Variants in PKHD1L1 observed in about 807,000 individuals in gnomAD.
The protein encoded by PKHD1L1 is PKHD1 like 1.
In PKHD1L1, 434 loss-of-function variants were observed where a neutral mutation model predicts 462.9. That is an observed-to-expected ratio of 0.94 (90% CI 0.87 to 1.02). The LOEUF is 1.02. PKHD1L1 is among the 50% of genes least tolerant of loss of function. The probability of loss-of-function intolerance (pLI) is 0.00; values close to 1 mark genes in which losing one functional copy is unlikely to be tolerated. For missense variants in PKHD1L1, 5,202 were observed against 5,096.1 expected (o/e 1.02, Z -0.63); for synonymous variants, 1,781 against 1,750.0 (o/e 1.02, Z -0.44).
In PKHD1L1 at chr8:109,394,555, C is replaced by T. The variant is rs1355914066; in HGVS notation, c.811+70C>T. ...CAGTGTATAATTGATTTAATCAAACCAAAGACAATGAGTGTAAGGTGTATT... is the reference window on the plus strand; with the variant it reads ...CAGTGTATAATTGATTTAATCAAACTAAAGACAATGAGTGTAAGGTGTATT... On this transcript the variant is annotated intron_variant, in intron 10 of 77. Coordinates refer to ENST00000378402, the MANE Select transcript of PKHD1L1 (RefSeq NM_177531.6). 3 of 1,032,656 alleles carry T rather than the reference C, an allele frequency of 2.9e-6. No individual in the cohort carries two copies. The East Asian group carries it at 8.1e-5, about 28-fold the overall frequency. The allele number at this position is 1,032,656 out of a possible 1,614,324, so 64.0% of individuals were successfully genotyped here. A position where few individuals can be genotyped will look rare whatever the true frequency, so the allele number is the denominator to read the frequency against.
intron 55 of PKHD1L1, chr8:109,480,521 A>T (rs1330663392): frequency 6.9e-6 from 3 of 435,614 alleles, no homozygotes; most frequent in South Asian, 3.4e-5. Context: ...ATTTAAAAAA[A>T]AAACCAAAGG....
In PKHD1L1 at chr8:109,404,651, G is replaced by A. The variant is rs1280429495; in HGVS notation, c.1471G>A (p.Gly491Arg). Residue 491 changes from glycine to arginine, a missense_variant, in exon 15 of 78, where the codon GGA becomes AGA. Physicochemically the swap from Gly to Arg is moderately radical, Grantham distance 125. Around this residue, in one of 3 missense-constraint regions of PKHD1L1, gnomAD observed 4,497 missense variants for 4,336.8 expected, o/e 1.04. Coordinates refer to ENST00000378402, the MANE Select transcript of PKHD1L1 (RefSeq NM_177531.6). Reference sequence around the variant, plus strand: ...AAATGTTTATACTGAACAACAAACAGGAGATGCAGTGAATGAAGAACAAGT... The same window carrying A: ...AAATGTTTATACTGAACAACAAACAAGAGATGCAGTGAATGAAGAACAAGT... Reference protein sequence around the residue: ...YRNVYTEQQTGDAVNEEQVIK... With the variant: ...YRNVYTEQQTRDAVNEEQVIK... 5.0e-6 allele frequency: 8 copies of A among 1,608,834 alleles called. No individual in the cohort carries two copies. Among genetic ancestry groups the A allele is most frequent in the Non-Finnish European group, 6.8e-6 (8 of 1,177,294 alleles).
chr8:109,444,724 A>G lies in PKHD1L1; in HGVS notation c.4855A>G (p.Ile1619Val). The change falls in exon 38 of 78, where the codon ATT becomes GTT. Residue 1619 changes from isoleucine (I) to valine (V), a missense_variant. Coordinates refer to ENST00000378402, the MANE Select transcript of PKHD1L1 (RefSeq NM_177531.6). ...TAGTGAGGATTCAATTACATGTCAT[A>G]TTGACCCTCAAAACTCAATGGATGT... The part of the protein sequence containing the change: ...ESSEDSITCH[I>V]DPQNSMDVGI... 6.2e-7 allele frequency: 1 copy of G among 1,613,888 alleles called. No homozygotes were observed. Among genetic ancestry groups the G allele is most frequent in the East Asian group, 2.2e-5 (1 of 44,890 alleles).
chr8:109,431,791 A>G (rs1815116509), intron 27 of PKHD1L1, among the ~76,000 whole-genome samples: 1 of 152,184 alleles, frequency 6.6e-6, no homozygotes. Flanking sequence ...TTTCTTGTAC[A>G]AACCTCCTAT....
At chr8:109,466,501 C>T (rs1817445886) in intron 49 of PKHD1L1, 77 bp from the exon 50 acceptor site, 1 of 1,380,800 alleles carries the variant, frequency 7.2e-7, no homozygotes, top group African/African-American at 1.5e-5. Context: ...CTATGGGTCA[C>T]AATTCTGTAT....
chr8:109,437,897 T>G (rs552139049), intron 30 of PKHD1L1, among the ~76,000 whole-genome samples: 1 of 152,274 alleles, frequency 6.6e-6, no homozygotes, highest in East Asian at 1.9e-4. Flanking sequence ...TGCTTAGTCT[T>G]GGATTTTGGA....
chr8:109,454,136 G>A, intron 43 of PKHD1L1, 31 bp from the exon 44 acceptor site: 1 of 1,431,314 alleles, frequency 7.0e-7, no homozygotes, highest in African/African-American at 1.4e-5. Flanking sequence ...ATTTTTCCTT[G>A]TGATGTATTT....
intron 67 of PKHD1L1, among the ~76,000 whole-genome samples, chr8:109,499,501 T>C (rs1450652460): frequency 6.6e-6 from 1 of 151,854 alleles, no homozygotes; most frequent in Non-Finnish European, 1.5e-5. Context: ...TTGGAGGAAA[T>C]TGTATAACAT....
At chr8:109,428,926 G>A (rs1346281652) in intron 25 of PKHD1L1, among the ~76,000 whole-genome samples, 1 of 152,030 alleles carries the variant, frequency 6.6e-6, no homozygotes, top group Non-Finnish European at 1.5e-5. Flanking sequence ...ATGATACAAG[G>A]AAAAGTTGAC....
Position 109,482,724 on chromosome 8 carries a change from G to C in PKHD1L1, c.9458-263G>C, listed in dbSNP as rs2607634. On this transcript the variant is annotated intron_variant, in intron 56 of 77. Coordinates refer to ENST00000378402, the MANE Select transcript of PKHD1L1 (RefSeq NM_177531.6). ...TATTTGGATTAATTCCAGTTTCCTT[G>C]TGTTTCTAAATATTGCTGTGGTAAG... Among the ~76,000 whole-genome samples, 13 of 151,310 alleles carry C rather than the reference G, an allele frequency of 8.6e-5. No individual in the cohort carries two copies. The East Asian group carries it at 2.3e-3, about 27-fold the overall frequency.
chr8:109,477,097 T>G, intron 52 of PKHD1L1, 128 bp from the exon 53 acceptor site: 2 of 784,102 alleles, frequency 2.6e-6, no homozygotes, highest in South Asian at 3.4e-5. Context: ...TCTCCATACC[T>G]CTTCCATACA....
chr8:109,393,815 C>T (rs1261647396), intron 9 of PKHD1L1, among the ~76,000 whole-genome samples: 2 of 152,118 alleles, frequency 1.3e-5, no homozygotes, highest in Non-Finnish European at 2.9e-5. Flanking sequence ...GGGCGGTCAG[C>T]GGAAGATCCC....
At chr8:109,428,862 T>C (rs1258123379) in intron 25 of PKHD1L1, among the ~76,000 whole-genome samples, 1 of 152,166 alleles carries the variant, frequency 6.6e-6, no homozygotes, top group Non-Finnish European at 1.5e-5. Context: ...ATTTTTACCA[T>C]TGGAAGAACA....
intron 46 of PKHD1L1, among the ~76,000 whole-genome samples, chr8:109,459,162 G>A (rs971140885): frequency 6.6e-6 from 1 of 151,906 alleles, no homozygotes; most frequent in Non-Finnish European, 1.5e-5. Context: ...GTGTATCATG[G>A]GATGCTTAGA....
chr8:109,460,339 C>G (rs1817049760), intron 47 of PKHD1L1, among the ~76,000 whole-genome samples: 1 of 152,048 alleles, frequency 6.6e-6, no homozygotes, highest in Non-Finnish European at 1.5e-5. Context: ...TTTATCAGAA[C>G]AGTGTGAGAG....
chr8:109,408,431 T>A (rs1813674594), intron 18 of PKHD1L1, among the ~76,000 whole-genome samples: 1 of 152,146 alleles, frequency 6.6e-6, no homozygotes, highest in Non-Finnish European at 1.5e-5. Flanking sequence ...ACAAGGCATA[T>A]CTCAAAGGTT....
At chr8:109,431,891 T>A (rs1005436374) in intron 27 of PKHD1L1, among the ~76,000 whole-genome samples, 3 of 152,202 alleles carry the variant, frequency 2.0e-5, no homozygotes, top group Non-Finnish European at 4.4e-5. Context: ...GTTTACTAGA[T>A]GACCAAATTG....
intron 3 of PKHD1L1, among the ~76,000 whole-genome samples, 174 bp from the exon 4 acceptor site, chr8:109,382,289 A>G (rs768333709): frequency 6.6e-6 from 1 of 152,192 alleles, no homozygotes; most frequent in East Asian, 1.9e-4. Flanking sequence ...TAAAGAGTTC[A>G]GGATGGAGAT....
chr8:109,452,285 T>C lies in PKHD1L1; in HGVS notation c.6507+5T>C, dbSNP rs775293474. Reference sequence around the variant, plus strand: ...GGTGTCGGCATGGCCAAACTGGTAATAGTGCTGTTGGGTATAGTAATCACA... The same window carrying C: ...GGTGTCGGCATGGCCAAACTGGTAACAGTGCTGTTGGGTATAGTAATCACA... On this transcript the variant is annotated splice_donor_5th_base_variant and intron_variant, in intron 42 of 77. Coordinates refer to ENST00000378402, the MANE Select transcript of PKHD1L1 (RefSeq NM_177531.6). 9 of 1,597,478 alleles carry C rather than the reference T, an allele frequency of 5.6e-6. No homozygotes were observed. Among genetic ancestry groups the C allele is most frequent in the Non-Finnish European group, 7.7e-6 (9 of 1,169,934 alleles).
Sources: gnomAD v4.1 joint callset for allele counts (sites outside exome capture counted in the v4.1 genomes callset) on GRCh38, gnomAD v4.1.1 for gene constraint, gnomAD v4.1.1 regional missense constraint, MANE v1.5 for transcripts, NCBI Gene and HGNC (gene_info 2026-07-23, HGNC 2026-07-21) for gene names.